The following RTL4 variants were observed in gnomAD, a reference collection of about 807,000 sequenced individuals.
RTL4 encodes retrotransposon Gag like 4, also known as retrotransposon Gag-like protein 4.
In RTL4, 4 loss-of-function variants were observed where a neutral mutation model predicts 5.3. The ratio of observed to expected loss-of-function variants is 0.75; its 90% CI spans 0.37 to 1.72. RTL4 has a LOEUF of 1.72. Among genes scored for constraint, RTL4 ranks in the 40% most tolerant of loss-of-function variants. RTL4 has a pLI of 0.04. For missense variants in RTL4, 260 were observed against 227.1 expected (o/e 1.14, Z -0.93); for synonymous variants, 98 against 87.3 (o/e 1.12, Z -0.68).
At chrX:112,177,409 G>A in the RTL4 span, among the ~76,000 whole-genome samples, 14 of 110,754 alleles carry the variant, frequency 1.3e-4, no homozygotes, top group South Asian at 5.4e-3. Context: ...GTTTTAATTT[G>A]CATTTTCCTG....
the RTL4 span, among the ~76,000 whole-genome samples, chrX:112,294,177 A>T: frequency 8.9e-6 from 1 of 112,120 alleles, no homozygotes; most frequent in African/African-American, 3.2e-5. Flanking sequence ...ACTCTGGTCT[A>T]GATGAATTTT....
At chrX:112,229,940 C>A in the RTL4 span, among the ~76,000 whole-genome samples, 1 of 112,398 alleles carries the variant, frequency 8.9e-6, no homozygotes, top group Non-Finnish European at 1.9e-5. Context: ...TCCGCCCCTA[C>A]TGCGGGGTGC....
chrX:112,117,258 T>G, the RTL4 span, among the ~76,000 whole-genome samples: 2 of 107,844 alleles, frequency 1.9e-5, no homozygotes, highest in African/African-American at 6.9e-5. Flanking sequence ...AATACACTAT[T>G]TACCATATAA....
At chrX:112,181,334 G>A in the RTL4 span, among the ~76,000 whole-genome samples, 2 of 111,283 alleles carry the variant, frequency 1.8e-5, no homozygotes, top group Non-Finnish European at 3.8e-5. Flanking sequence ...AGACAGAACT[G>A]TTCACTCCCC....
At chrX:112,291,600 C>G in the RTL4 span, among the ~76,000 whole-genome samples, 1 of 109,160 alleles carries the variant, frequency 9.2e-6, no homozygotes, top group African/African-American at 3.4e-5. Context: ...CAGATACCCT[C>G]TAGTTCTTTT....
the RTL4 span, among the ~76,000 whole-genome samples, chrX:112,229,592 A>C: frequency 9.0e-6 from 1 of 111,405 alleles, no homozygotes; most frequent in Admixed American, 9.5e-5. Context: ...CCTGGGCCAC[A>C]TTGGAAGAAA....
the RTL4 span, among the ~76,000 whole-genome samples, chrX:112,309,645 C>T: frequency 3.7e-5 from 4 of 107,683 alleles, no homozygotes; most frequent in African/African-American, 1.0e-4. Flanking sequence ...CATGCCACCA[C>T]GCCCAACTCA....
chrX:112,366,331 T>C, the RTL4 span, among the ~76,000 whole-genome samples: 1 of 111,479 alleles, frequency 9.0e-6, no homozygotes, highest in Non-Finnish European at 1.9e-5. Context: ...ATAATCACCA[T>C]CATCACCATC....
At chrX:112,175,717 A>G in the RTL4 span, among the ~76,000 whole-genome samples, 526 of 111,310 alleles carry the variant, frequency 4.7e-3, 1 homozygote, top group African/African-American at 0.017. Context: ...TTAGGTATTG[A>G]TGGGAAGTAT....
At chrX:112,091,904 T>C in the RTL4 span, among the ~76,000 whole-genome samples, 4 of 111,515 alleles carry the variant, frequency 3.6e-5, no homozygotes, top group Non-Finnish European at 7.6e-5. Flanking sequence ...GGGTTTTCTG[T>C]TGTTTGGTGC....
At chrX:112,185,849 T>C in the RTL4 span, among the ~76,000 whole-genome samples, 1 of 110,900 alleles carries the variant, frequency 9.0e-6, no homozygotes, top group African/African-American at 3.3e-5. Flanking sequence ...CTATAGTTTA[T>C]AGATAGTAAG....
At chrX:112,128,490 C>T in the RTL4 span, among the ~76,000 whole-genome samples, 39 of 109,601 alleles carry the variant, frequency 3.6e-4, no homozygotes, top group Non-Finnish European at 5.1e-4. Context: ...GAAACCCTGT[C>T]GCTACTAAAA....
the RTL4 span, among the ~76,000 whole-genome samples, chrX:112,224,208 A>G: frequency 9.0e-6 from 1 of 111,720 alleles, no homozygotes; most frequent in Non-Finnish European, 1.9e-5. Context: ...TGCAAAGTGA[A>G]ATAGCACAGC....
chrX:112,230,838 G>A, the RTL4 span, among the ~76,000 whole-genome samples: 1 of 111,216 alleles, frequency 9.0e-6, no homozygotes, highest in Non-Finnish European at 1.9e-5. Context: ...TCTGACAAAG[G>A]GCTAATATCG....
the RTL4 span, among the ~76,000 whole-genome samples, chrX:112,149,975 C>G: frequency 9.0e-6 from 1 of 111,232 alleles, no homozygotes. Flanking sequence ...AGAGAGCCAG[C>G]TTTGGGGATT....
the RTL4 span, among the ~76,000 whole-genome samples, chrX:112,291,698 G>A: frequency 9.1e-6 from 1 of 110,248 alleles, no homozygotes; most frequent in Non-Finnish European, 1.9e-5. Flanking sequence ...CCCGGTTCAC[G>A]CCATTCTCCT....
the RTL4 span, among the ~76,000 whole-genome samples, chrX:112,313,705 G>C: frequency 1.8e-5 from 2 of 109,929 alleles, no homozygotes; most frequent in Non-Finnish European, 3.8e-5. Flanking sequence ...AAAAAGGTAT[G>C]ATTATCTGAA....
the RTL4 span, among the ~76,000 whole-genome samples, chrX:112,299,281 C>T: frequency 8.9e-6 from 1 of 111,803 alleles, no homozygotes; most frequent in Non-Finnish European, 1.9e-5. Flanking sequence ...CTTCAGTGTG[C>T]CACACAAACA....
chrX:112,395,347 T>C, the RTL4 span, among the ~76,000 whole-genome samples: 2 of 111,792 alleles, frequency 1.8e-5, no homozygotes, highest in Non-Finnish European at 3.8e-5. Context: ...GATGTCTCAA[T>C]GTGCTTCATA....
Sources: gnomAD v4.1 joint callset for allele counts (sites outside exome capture counted in the v4.1 genomes callset) on GRCh38, gnomAD v4.1.1 for gene constraint, MANE v1.5 for transcripts, NCBI Gene and HGNC (gene_info 2026-07-23, HGNC 2026-07-21) for gene names.